Variants in AKAP6 observed in about 807,000 individuals in gnomAD.
The protein encoded by AKAP6 is A-kinase anchoring protein 6.
Under a neutral mutation model 188.5 loss-of-function variants are expected in AKAP6, and 58 were observed. The ratio of observed to expected loss-of-function variants is 0.31; its 90% CI spans 0.25 to 0.38. AKAP6 has a LOEUF of 0.38. Ranked by LOEUF, AKAP6 falls within the 10% of genes least tolerant of loss-of-function variation. The pLI, the probability that AKAP6 is intolerant of heterozygous loss-of-function variation, is 1.00. For synonymous variants in AKAP6, 989 were observed against 998.6 expected, an observed-to-expected ratio of 0.99 and a Z score of 0.18; for missense variants, 2,710 against 2,740.0, an observed-to-expected ratio of 0.99 and a Z score of 0.24.
At chr14:32,754,055 T>C (rs1436730779) in intron 11 of AKAP6, among the ~76,000 whole-genome samples, 2 of 152,092 alleles carry the variant, frequency 1.3e-5, no homozygotes, top group African/African-American at 4.8e-5. Context: ...TCTATTTCTA[T>C]AGAAAAAGTC....
intron 1 of AKAP6, among the ~76,000 whole-genome samples, chr14:32,411,193 A>G (rs1356215594): frequency 6.6e-6 from 1 of 152,186 alleles, no homozygotes; most frequent in Non-Finnish European, 1.5e-5. Flanking sequence ...TCTACAATGC[A>G]CAGGACAGCT....
At chr14:32,516,578 A>G (rs1311052050) in intron 2 of AKAP6, among the ~76,000 whole-genome samples, 1 of 152,188 alleles carries the variant, frequency 6.6e-6, no homozygotes, top group African/African-American at 2.4e-5. Flanking sequence ...GCTATTCTGA[A>G]ACTATCGTAT....
At chr14:32,713,665 C>T (rs2030017569) in intron 9 of AKAP6, among the ~76,000 whole-genome samples, 1 of 151,998 alleles carries the variant, frequency 6.6e-6, no homozygotes. Context: ...CTGTTAGTGT[C>T]CAACATTTCT....
chr14:32,330,371 A>G (rs10142764), intron 1 of AKAP6, among the ~76,000 whole-genome samples: 2,876 of 151,944 alleles, frequency 0.019, 93 homozygotes, highest in African/African-American at 0.065. Flanking sequence ...AGGCATCTTT[A>G]TTATTATTAT....
At chr14:32,687,928 A>C (rs1001398588) in intron 8 of AKAP6, among the ~76,000 whole-genome samples, 1 of 152,116 alleles carries the variant, frequency 6.6e-6, no homozygotes, top group African/African-American at 2.4e-5. Context: ...CACTTGGGTC[A>C]TGATATTATT....
At chr14:32,784,132 C>T (rs143805927) in intron 12 of AKAP6, among the ~76,000 whole-genome samples, 9 of 152,070 alleles carry the variant, frequency 5.9e-5, no homozygotes, top group Admixed American at 1.3e-4. Flanking sequence ...AAGAAAAAGG[C>T]GTAAGCAAGC....
At chr14:32,336,370 A>G (rs995029175) in intron 1 of AKAP6, among the ~76,000 whole-genome samples, 2 of 152,254 alleles carry the variant, frequency 1.3e-5, no homozygotes, top group Non-Finnish European at 2.9e-5. Flanking sequence ...GATACTCACT[A>G]TGTCCATCAC....
intron 7 of AKAP6, among the ~76,000 whole-genome samples, chr14:32,677,380 A>G (rs912590445): frequency 3.3e-5 from 5 of 152,332 alleles, no homozygotes; most frequent in Non-Finnish European, 7.3e-5. Flanking sequence ...CCTAGAATAT[A>G]TAATAAAATT....
chr14:32,368,376 GAACA>G (rs1887901596), intron 1 of AKAP6, among the ~76,000 whole-genome samples: 2 of 152,176 alleles, frequency 1.3e-5, no homozygotes, highest in African/African-American at 2.4e-5. Context: ...TGTGATCACA[GAACA>G]AACAGACTAC....
intron 11 of AKAP6, among the ~76,000 whole-genome samples, chr14:32,750,722 C>T (rs770321744): frequency 6.7e-6 from 1 of 148,384 alleles, no homozygotes; most frequent in Admixed American, 6.9e-5. Context: ...AGGACTGGGT[C>T]ACTAAATTAA....
intron 12 of AKAP6, among the ~76,000 whole-genome samples, chr14:32,805,792 T>A (rs187582270): frequency 6.6e-6 from 1 of 152,238 alleles, no homozygotes; most frequent in African/African-American, 2.4e-5. Context: ...ATTTTTAACA[T>A]ATAAATGGGT....
chr14:32,837,547 A>T lies in AKAP6; in HGVS notation c.*7742A>T, dbSNP rs1414092463. The T allele has an allele frequency of 6.6e-6, 1 of 152,228 alleles. No individual in the cohort carries two copies. Among genetic ancestry groups the T allele is most frequent in the Non-Finnish European group, 1.5e-5 (1 of 68,042 alleles). The allele number at this position is 152,228 out of a possible 1,614,324, so 9.4% of individuals were successfully genotyped here. On this transcript the variant is annotated 3_prime_UTR_variant, in exon 14 of 14. Transcript: ENST00000280979. Reference sequence around the variant, plus strand: ...TTAGTTGATCAAGTTACTTACACTAAGTCAGCAATTCAAAACAAATAATTC... The same window carrying T: ...TTAGTTGATCAAGTTACTTACACTATGTCAGCAATTCAAAACAAATAATTC...
At chr14:32,786,482 ATTTTATTTTATTT>A (rs1317938374) in intron 12 of AKAP6, among the ~76,000 whole-genome samples, 1 of 102,846 alleles carries the variant, frequency 9.7e-6, no homozygotes, top group Non-Finnish European at 2.2e-5. Flanking sequence ...TAATTATTTT[ATTTTATTTTATTT>A]TTTTATTTTT....
intron 1 of AKAP6, among the ~76,000 whole-genome samples, chr14:32,330,605 C>G (rs552567772): frequency 2.7e-5 from 4 of 150,486 alleles, no homozygotes; most frequent in Non-Finnish European, 5.9e-5. Context: ...AAGTCTTACA[C>G]GAAAGAATGG....
chr14:32,751,594 C>T (rs1432387820), intron 11 of AKAP6, among the ~76,000 whole-genome samples: 2 of 142,340 alleles, frequency 1.4e-5, no homozygotes, highest in East Asian at 2.1e-4. Context: ...GTTTGATTAT[C>T]GTAATTTCTC....
chr14:32,496,686 G>A (rs1880336255), intron 2 of AKAP6, among the ~76,000 whole-genome samples: 1 of 152,002 alleles, frequency 6.6e-6, no homozygotes, highest in East Asian at 1.9e-4. Flanking sequence ...TTAATGTATT[G>A]CAGCCTCAGG....
intron 8 of AKAP6, among the ~76,000 whole-genome samples, chr14:32,682,030 G>T (rs1473731624): frequency 6.6e-6 from 1 of 152,212 alleles, no homozygotes; most frequent in African/African-American, 2.4e-5. Context: ...TCTGTAAACA[G>T]CGTGGAGTAA....
intron 1 of AKAP6, among the ~76,000 whole-genome samples, chr14:32,401,789 C>T (rs1889099251): frequency 6.6e-6 from 1 of 152,308 alleles, no homozygotes; most frequent in South Asian, 2.1e-4. Flanking sequence ...TTCAAATATA[C>T]TCTGTGCTAC....
At chr14:32,792,461 T>C (rs1348578460) in intron 12 of AKAP6, among the ~76,000 whole-genome samples, 2 of 152,250 alleles carry the variant, frequency 1.3e-5, no homozygotes, top group East Asian at 3.8e-4. Context: ...TTTTTGCACA[T>C]TGATTTTATA....
Sources: gnomAD v4.1 joint callset for allele counts (sites outside exome capture counted in the v4.1 genomes callset) on GRCh38, gnomAD v4.1.1 for gene constraint, MANE v1.5 for transcripts, NCBI Gene and HGNC (gene_info 2026-07-23, HGNC 2026-07-21) for gene names.